LRRTM4: variants seen among roughly 807,000 people sequenced by gnomAD.
The protein encoded by LRRTM4 is leucine-rich repeat transmembrane neuronal protein 4.
LRRTM4 carries 25 observed loss-of-function variants against 47.6 expected under a neutral mutation model. The observed-to-expected ratio is 0.53, with a 90% CI of 0.38 to 0.73. The LOEUF (loss-of-function observed/expected upper bound fraction) is 0.73. LRRTM4 is among the 30% of genes least tolerant of loss of function. The pLI is 0.00. For missense variants in LRRTM4, 638 were observed against 713.4 expected (o/e 0.89, Z 1.20); for synonymous variants, 311 against 269.5 (o/e 1.15, Z -1.51).
At chr2:76,833,924 A>G (rs1373399070) in intron 3 of LRRTM4, among the ~76,000 whole-genome samples, 1 of 151,746 alleles carries the variant, frequency 6.6e-6, no homozygotes, top group Non-Finnish European at 1.5e-5. Context: ...GCCATTAAAT[A>G]TCCTTCATAT....
intron 3 of LRRTM4, among the ~76,000 whole-genome samples, chr2:77,185,602 A>G (rs1368354024): frequency 6.6e-6 from 1 of 152,160 alleles, no homozygotes; most frequent in Non-Finnish European, 1.5e-5. Context: ...GTCAGCGTTC[A>G]TGGTTAAGAT....
intron 3 of LRRTM4, among the ~76,000 whole-genome samples, chr2:77,266,450 C>T (rs1676052516): frequency 6.6e-6 from 1 of 151,932 alleles, no homozygotes; most frequent in Admixed American, 6.6e-5. Flanking sequence ...AAAATATTGT[C>T]ACAATGATTA....
At chr2:77,160,298 G>T (rs1164725674) in intron 3 of LRRTM4, among the ~76,000 whole-genome samples, 1 of 152,054 alleles carries the variant, frequency 6.6e-6, no homozygotes, top group Non-Finnish European at 1.5e-5. Flanking sequence ...AGACTTTCAT[G>T]ATGTTCTCTC....
At chr2:77,196,669 A>C (rs1178972766) in intron 3 of LRRTM4, among the ~76,000 whole-genome samples, 2 of 152,138 alleles carry the variant, frequency 1.3e-5, no homozygotes, top group African/African-American at 4.8e-5. Flanking sequence ...TAAATCCAGG[A>C]GGTGGAGGTT....
Position 77,518,789 on chromosome 2 carries a change from A to G in LRRTM4, c.1080T>C (p.Cys360=). The change falls in exon 3 of 4, where the codon TGT becomes TGC. Residue 360 remains cysteine (C), a synonymous_variant. Coordinates refer to ENST00000409884, the MANE Select transcript of LRRTM4 (RefSeq NM_001134745.3). ...CTGTGTTGACCACCTGGACTTCAGAACAGATATTATATGTTTCCACTGCAT... is the reference window on the plus strand; with the variant it reads ...CTGTGTTGACCACCTGGACTTCAGAGCAGATATTATATGTTTCCACTGCAT... ...VSDAVETYNI[C]SEVQVVNTER... 1.2e-6 allele frequency: 2 copies of G among 1,612,786 alleles called. No individual in the cohort carries two copies. Among genetic ancestry groups the G allele is most frequent in the Non-Finnish European group, 1.7e-6 (2 of 1,179,358 alleles).
intron 3 of LRRTM4, among the ~76,000 whole-genome samples, chr2:76,991,645 A>C (rs1677014178): frequency 6.6e-6 from 1 of 151,740 alleles, no homozygotes; most frequent in African/African-American, 2.4e-5. Flanking sequence ...CAATCATAAA[A>C]AACTACCAAC....
Position 77,039,662 on chromosome 2 carries a change from T to C in LRRTM4, c.1552-290746A>G, listed in dbSNP as rs1386209298. On this transcript the variant is annotated intron_variant, in intron 3 of 3. Transcript: ENST00000409884. ...TATACCATATCAAATATTAATAATGTAATACCATCTTGTGTTTATTTGTAT... is the reference window on the plus strand; with the variant it reads ...TATACCATATCAAATATTAATAATGCAATACCATCTTGTGTTTATTTGTAT... Among the ~76,000 whole-genome samples the C allele has an allele frequency of 1.5e-4, 22 of 151,310 alleles. No homozygotes were observed. In the Admixed American group the frequency reaches 1.5e-3, roughly 10 times the overall value.
At chr2:77,109,693 A>T (rs1671194703) in intron 3 of LRRTM4, among the ~76,000 whole-genome samples, 1 of 152,122 alleles carries the variant, frequency 6.6e-6, no homozygotes, top group Non-Finnish European at 1.5e-5. Flanking sequence ...GTAGGACCAA[A>T]AAATAGTAAC....
At chr2:77,216,933 C>T (rs1457763779) in intron 3 of LRRTM4, among the ~76,000 whole-genome samples, 2 of 151,876 alleles carry the variant, frequency 1.3e-5, no homozygotes, top group Non-Finnish European at 2.9e-5. Flanking sequence ...ATTAGCCGGG[C>T]GTGGTGGAGG....
At chr2:77,017,658 A>G (rs1678115394) in intron 3 of LRRTM4, among the ~76,000 whole-genome samples, 1 of 152,196 alleles carries the variant, frequency 6.6e-6, no homozygotes, top group South Asian at 2.1e-4. Flanking sequence ...CTTTGTATAT[A>G]CATAACTCCT....
At chr2:77,123,535 T>C (rs938786774) in intron 3 of LRRTM4, among the ~76,000 whole-genome samples, 2 of 152,208 alleles carry the variant, frequency 1.3e-5, no homozygotes, top group Non-Finnish European at 2.9e-5. Context: ...ATAGCAAAGA[T>C]TCATAAAACC....
intron 3 of LRRTM4, among the ~76,000 whole-genome samples, chr2:77,408,622 A>G (rs1674301657): frequency 6.6e-6 from 1 of 152,136 alleles, no homozygotes; most frequent in Admixed American, 6.6e-5. Context: ...GTTCATCCAC[A>G]TTACCAGTTA....
intron 3 of LRRTM4, among the ~76,000 whole-genome samples, chr2:77,466,432 C>T (rs1038949491): frequency 2.0e-5 from 3 of 152,204 alleles, no homozygotes; most frequent in African/African-American, 7.2e-5. Flanking sequence ...AGAGAGATGC[C>T]TTAATTCAAG....
Position 76,838,749 on chromosome 2 carries a change from GCTCT to G in LRRTM4, c.1552-89837_1552-89834del, listed in dbSNP as rs57546330. On this transcript the variant is annotated intron_variant, in intron 3 of 3. Coordinates refer to ENST00000409884, the MANE Select transcript of LRRTM4 (RefSeq NM_001134745.3). The stretch of plus-strand genomic sequence containing the variant: ...ATTGGTGTTATTTGGATGAAATGAT[GCTCT>G]CTATTTTGACGTTGAACATGGGACA... Among the ~76,000 whole-genome samples the G allele has an allele frequency of 7.1e-3, 1,077 of 152,146 alleles. 7 individuals carry two copies. The highest frequency in any genetic ancestry group is 0.025 in the African/African-American group (1,018 of 41,526).
chr2:77,437,230 T>C (rs1266915777), intron 3 of LRRTM4, among the ~76,000 whole-genome samples: 1 of 152,068 alleles, frequency 6.6e-6, no homozygotes, highest in African/African-American at 2.4e-5. Flanking sequence ...ATATCGTTGA[T>C]ATTTTTAAAC....
intron 3 of LRRTM4, among the ~76,000 whole-genome samples, chr2:76,801,563 T>C (rs1675683493): frequency 6.6e-6 from 1 of 151,956 alleles, no homozygotes; most frequent in Non-Finnish European, 1.5e-5. Context: ...TACCTAATGC[T>C]AGATGATGAG....
At chr2:77,186,136 C>T (rs1558624195) in intron 3 of LRRTM4, among the ~76,000 whole-genome samples, 1 of 152,122 alleles carries the variant, frequency 6.6e-6, no homozygotes, top group Non-Finnish European at 1.5e-5. Flanking sequence ...GAATTTCTAT[C>T]AAACTAGTTC....
intron 3 of LRRTM4, among the ~76,000 whole-genome samples, chr2:77,140,463 C>G (rs1322770271): frequency 1.3e-5 from 2 of 152,144 alleles, no homozygotes; most frequent in East Asian, 3.9e-4. Flanking sequence ...ACACCTTATA[C>G]AAAAATTAAT....
intron 3 of LRRTM4, among the ~76,000 whole-genome samples, chr2:76,787,579 T>C (rs1165531685): frequency 6.6e-6 from 1 of 151,834 alleles, no homozygotes; most frequent in African/African-American, 2.4e-5. Flanking sequence ...AGGAAAATTT[T>C]TTTTTTTTAG....
Sources: gnomAD v4.1 joint callset for allele counts (sites outside exome capture counted in the v4.1 genomes callset) on GRCh38, gnomAD v4.1.1 for gene constraint, MANE v1.5 for transcripts, NCBI Gene and HGNC (gene_info 2026-07-23, HGNC 2026-07-21) for gene names.